MOV10L1: variants seen among roughly 807,000 people sequenced by gnomAD.
The protein encoded by MOV10L1 is Mov10 like RNA helicase 1, also known as RNA helicase Mov10l1.
In MOV10L1, 110 loss-of-function variants were observed where a neutral mutation model predicts 143.8. That is an observed-to-expected ratio of 0.76 (90% CI 0.66 to 0.90). The LOEUF (loss-of-function observed/expected upper bound fraction) is 0.90. Ranked by LOEUF, MOV10L1 falls within the 40% of genes least tolerant of loss-of-function variation. The pLI, the probability that MOV10L1 is intolerant of heterozygous loss-of-function variation, is 0.00. For synonymous variants in MOV10L1, 593 were observed against 581.1 expected (o/e 1.02, Z -0.29); for missense variants, 1,406 against 1,526.8 (o/e 0.92, Z 1.32).
intron 3 of MOV10L1, among the ~76,000 whole-genome samples, chr22:50,103,971 A>G (rs2061807914): frequency 6.6e-6 from 1 of 152,072 alleles, no homozygotes; most frequent in Non-Finnish European, 1.5e-5. Flanking sequence ...TAATTATACA[A>G]CTCACCATAA....
rs571693876 is a variant in MOV10L1 at position 50,160,889 on chromosome 22, G to T, written c.3462+64G>T. 7.9e-5 allele frequency: 128 copies of T among 1,613,420 alleles called. 1 individual carries two copies. In the South Asian group the frequency reaches 1.4e-3, roughly 17 times the overall value. ...GGAGGGAGGGTCCGGGTCACTCGGG[G>T]TGAGACGTACGAGGCACCAGGAGAC... On this transcript the variant is annotated intron_variant, in intron 25 of 26. Coordinates refer to ENST00000262794, the MANE Select transcript of MOV10L1 (RefSeq NM_018995.3).
intron 9 of MOV10L1, among the ~76,000 whole-genome samples, chr22:50,117,993 C>A (rs955035087): frequency 3.9e-5 from 6 of 152,108 alleles, no homozygotes; most frequent in African/African-American, 1.4e-4. Context: ...GTGACTTTTC[C>A]TCCATCGGCT....
chr22:50,119,972 G>C (rs886154393), intron 9 of MOV10L1, among the ~76,000 whole-genome samples: 1 of 151,874 alleles, frequency 6.6e-6, no homozygotes, highest in African/African-American at 2.4e-5. Context: ...CATTGTTTCT[G>C]TTGCCGCATT....
At chr22:50,103,506 A>G (rs1459626294) in intron 3 of MOV10L1, among the ~76,000 whole-genome samples, 1 of 152,174 alleles carries the variant, frequency 6.6e-6, no homozygotes, top group East Asian at 1.9e-4. Flanking sequence ...GTTTAGCTGC[A>G]TCCTACCCTG....
intron 15 of MOV10L1, among the ~76,000 whole-genome samples, chr22:50,140,183 T>A (rs1387027946): frequency 6.6e-6 from 1 of 152,188 alleles, no homozygotes; most frequent in Non-Finnish European, 1.5e-5. Context: ...ACAACACAGG[T>A]GGCTCTCCAA....
At chr22:50,157,661 T>G (rs111936325) in intron 22 of MOV10L1, among the ~76,000 whole-genome samples, 11 of 152,152 alleles carry the variant, frequency 7.2e-5, no homozygotes, top group African/African-American at 2.7e-4. Flanking sequence ...TTCTACCCTG[T>G]TGATCTATAT....
At chr22:50,096,062 A>G (rs1465975209) in intron 2 of MOV10L1, 2 of 152,174 alleles carry the variant, frequency 1.3e-5, no homozygotes, top group African/African-American at 4.8e-5. Context: ...AATATGCGTA[A>G]TATACCATTT....
At chr22:50,135,857 T>G (rs1009207061) in intron 15 of MOV10L1, among the ~76,000 whole-genome samples, 4 of 152,080 alleles carry the variant, frequency 2.6e-5, no homozygotes, top group African/African-American at 9.7e-5. Context: ...TTTTTGTGAA[T>G]ACAATAGAAG....
chr22:50,155,406 G>A (rs999806485), intron 22 of MOV10L1, among the ~76,000 whole-genome samples: 2 of 151,630 alleles, frequency 1.3e-5, no homozygotes, highest in Non-Finnish European at 2.9e-5. Context: ...GACTACAGGC[G>A]CCTGCCACCA....
chr22:50,093,831 T>C (rs1314793373), intron 2 of MOV10L1: 2 of 152,190 alleles, frequency 1.3e-5, no homozygotes, highest in African/African-American at 4.8e-5. Context: ...TATTTAAATA[T>C]TTGACCTGCC....
At chr22:50,112,314 C>T (rs1386605464) in intron 5 of MOV10L1, among the ~76,000 whole-genome samples, 3 of 152,188 alleles carry the variant, frequency 2.0e-5, no homozygotes, top group African/African-American at 4.8e-5. Context: ...CTGAGCCTGG[C>T]GGTGCCAGGA....
intron 13 of MOV10L1, among the ~76,000 whole-genome samples, chr22:50,128,838 C>T (rs1318452215): frequency 6.6e-6 from 1 of 151,132 alleles, no homozygotes; most frequent in Non-Finnish European, 1.5e-5. Flanking sequence ...TCACCACGCC[C>T]GGCCATCTTT....
chr22:50,144,392 C>A (rs1342339547), intron 18 of MOV10L1, 149 bp downstream of exon 18: 3 of 958,972 alleles, frequency 3.1e-6, no homozygotes, highest in South Asian at 3.9e-5. Context: ...GCCATGGGCC[C>A]TCCCTCACCG....
At chr22:50,156,372 TC>T (rs1159882546) in intron 22 of MOV10L1, among the ~76,000 whole-genome samples, 2 of 152,198 alleles carry the variant, frequency 1.3e-5, no homozygotes, top group Non-Finnish European at 2.9e-5. Context: ...CACCTCGGCC[TC>T]CCAAAGTGCT....
At chr22:50,105,603 G>T (rs1017043347) in intron 3 of MOV10L1, among the ~76,000 whole-genome samples, 6 of 151,968 alleles carry the variant, frequency 3.9e-5, no homozygotes, top group African/African-American at 1.5e-4. Flanking sequence ...GAAGATTTGG[G>T]GTTCTACATG....
intron 15 of MOV10L1, among the ~76,000 whole-genome samples, chr22:50,135,750 CAA>C (rs1242001364): frequency 2.8e-4 from 16 of 56,506 alleles, no homozygotes; most frequent in Admixed American, 2.0e-4. Context: ...GACTCCATCT[CAA>C]AAAAAAAAAA....
intron 21 of MOV10L1, 114 bp downstream of exon 21, chr22:50,151,013 T>A: frequency 7.4e-7 from 1 of 1,351,772 alleles, no homozygotes; most frequent in Non-Finnish European, 1.0e-6. Context: ...GTGGGCAGAG[T>A]GCAGGGGAGC....
chr22:50,141,052 C>CTT (rs200180207), intron 15 of MOV10L1, among the ~76,000 whole-genome samples: 1 of 145,720 alleles, frequency 6.9e-6, no homozygotes, highest in Non-Finnish European at 1.5e-5. Context: ...GTGTAGGATC[C>CTT]TTTTTTTTTT....
At chr22:50,108,312 C>A in intron 4 of MOV10L1, 64 bp downstream of exon 4, 2 of 1,416,346 alleles carry the variant, frequency 1.4e-6, no homozygotes, top group African/African-American at 1.4e-5. Context: ...GGGTAACTTG[C>A]ACGGCCCAGG....
Sources: gnomAD v4.1 joint callset for allele counts (sites outside exome capture counted in the v4.1 genomes callset) on GRCh38, gnomAD v4.1.1 for gene constraint, MANE v1.5 for transcripts, NCBI Gene and HGNC (gene_info 2026-07-23, HGNC 2026-07-21) for gene names.